The following LIMS1 variants were observed in gnomAD, a reference collection of about 807,000 sequenced individuals.
LIMS1 encodes the protein LIM and senescent cell antigen-like-containing domain protein 1.
In LIMS1, 18 loss-of-function variants were observed where a neutral mutation model predicts 44.1. That is an observed-to-expected ratio of 0.41 (90% CI 0.28 to 0.61). The LOEUF is 0.61. Ranked by LOEUF, LIMS1 falls within the 20% of genes least tolerant of loss-of-function variation. The pLI is 0.32. For missense variants in LIMS1, 201 were observed against 422.0 expected, an observed-to-expected ratio of 0.48 and a Z score of 4.59; for synonymous variants, 93 against 149.1, an observed-to-expected ratio of 0.62 and a Z score of 2.74.
At chr2:108,557,664 G>A (rs925550004) in intron 1 of LIMS1, among the ~76,000 whole-genome samples, 17 of 151,644 alleles carry the variant, frequency 1.1e-4, no homozygotes, top group African/African-American at 2.2e-4. Flanking sequence ...CTACAGGTAC[G>A]TGCCACCACG....
At position 108,541,248 on chromosome 2, in the gene LIMS1, T is replaced by G. The variant is rs1252458739; in HGVS notation, c.32+6654T>G. 2.0e-5 allele frequency among the ~76,000 whole-genome samples: 3 copies of G among 152,260 alleles called. No individual in the cohort carries two copies. In the East Asian group the frequency reaches 5.8e-4, roughly 29 times the overall value. On this transcript the variant is annotated intron_variant, in intron 1 of 9. Transcript: ENST00000544547. ...CCAACTACTTAAACAGATATGTTTA[T>G]TTCTCATTGGTAAATGTAGCTGTTG...
chr2:108,673,864 T>C (rs1243198213), intron 5 of LIMS1: 3 of 152,242 alleles, frequency 2.0e-5, no homozygotes, highest in Admixed American at 6.5e-5. Context: ...GCATAACTTT[T>C]ACAGTTGTAA....
chr2:108,597,597 C>T (rs1279304590), intron 1 of LIMS1, among the ~76,000 whole-genome samples: 1 of 151,968 alleles, frequency 6.6e-6, no homozygotes, highest in Non-Finnish European at 1.5e-5. Flanking sequence ...GACAGAGGCA[C>T]ACACACAGAC....
At chr2:108,632,458 C>G (rs1040735392) in intron 1 of LIMS1, among the ~76,000 whole-genome samples, 2 of 152,164 alleles carry the variant, frequency 1.3e-5, no homozygotes, top group Admixed American at 6.5e-5. Flanking sequence ...GTCCAGGTGT[C>G]TCAAGGTCAG....
At position 108,614,701 on chromosome 2, in the gene LIMS1, G is replaced by A. The variant is rs191331954; in HGVS notation, c.33-44904G>A. ...AAGGGATAATACAGATATCAGAAAC[G>A]TGGCCACACAGCTTGTTATGTGTGT... On this transcript the variant is annotated intron_variant, in intron 1 of 9. Transcript: ENST00000544547. Among the ~76,000 whole-genome samples, 503 of 152,286 alleles carry A rather than the reference G, an allele frequency of 3.3e-3. 7 individuals are homozygous for A. The highest frequency in any genetic ancestry group is 7.3e-3 in the Admixed American group (111 of 15,304).
At chr2:108,617,229 T>A (rs1321524286) in intron 1 of LIMS1, among the ~76,000 whole-genome samples, 3 of 152,222 alleles carry the variant, frequency 2.0e-5, no homozygotes, top group Admixed American at 6.5e-5. Flanking sequence ...GATGTTTAAT[T>A]AGGTTTCTTT....
chr2:108,560,014 C>G (rs909867754), intron 1 of LIMS1, among the ~76,000 whole-genome samples: 7 of 152,088 alleles, frequency 4.6e-5, no homozygotes, highest in African/African-American at 1.7e-4. Context: ...CCCTCATTTC[C>G]TGCCTGAGGA....
At position 108,551,399 on chromosome 2, in the gene LIMS1, T is replaced by C. The variant is rs530834844; in HGVS notation, c.32+16805T>C. 2.5e-3 allele frequency among the ~76,000 whole-genome samples: 372 copies of C among 146,490 alleles called. 2 individuals carry two copies. Among genetic ancestry groups the C allele is most frequent in the Non-Finnish European group, 4.2e-3 (279 of 66,858 alleles). On this transcript the variant is annotated intron_variant, in intron 1 of 9. Coordinates refer to ENST00000544547, the Ensembl canonical transcript of LIMS1. ...TATATAACTGTATATTTTATATTTATATATTTAGCTATAATATAATTATAT... is the reference window on the plus strand; with the variant it reads ...TATATAACTGTATATTTTATATTTACATATTTAGCTATAATATAATTATAT...
At chr2:108,630,074 G>A (rs1223098998) in intron 1 of LIMS1, among the ~76,000 whole-genome samples, 1 of 151,806 alleles carries the variant, frequency 6.6e-6, no homozygotes, top group Non-Finnish European at 1.5e-5. Flanking sequence ...TGCACCTGTA[G>A]TCCTGGCAAC....
At chr2:108,582,269 T>A (rs549607047) in intron 1 of LIMS1, among the ~76,000 whole-genome samples, 1 of 152,326 alleles carries the variant, frequency 6.6e-6, no homozygotes, top group East Asian at 1.9e-4. Context: ...GTGGAGCATT[T>A]TTAGTTTATC....
At chr2:108,660,842 A>G (rs2148971384) in intron 2 of LIMS1, 1 of 159,212 alleles carries the variant, frequency 6.3e-6, no homozygotes, top group Admixed American at 6.0e-5. Flanking sequence ...CAAATAGGTA[A>G]TTTACTTTTA....
At chr2:108,550,161 A>T (rs1375567425) in intron 1 of LIMS1, among the ~76,000 whole-genome samples, 1 of 152,224 alleles carries the variant, frequency 6.6e-6, no homozygotes, top group Non-Finnish European at 1.5e-5. Flanking sequence ...TATAATGTTT[A>T]AACATAAAAT....
chr2:108,637,815 C>T (rs182032808), intron 1 of LIMS1, among the ~76,000 whole-genome samples: 36 of 151,076 alleles, frequency 2.4e-4, no homozygotes, highest in Non-Finnish European at 3.4e-4. Context: ...GTTAAAGTTT[C>T]TAAATGGTCA....
intron 1 of LIMS1, among the ~76,000 whole-genome samples, chr2:108,539,244 C>T (rs11900810): frequency 0.013 from 1,903 of 152,166 alleles, 49 homozygotes; most frequent in African/African-American, 0.044. Context: ...CCACTATGCC[C>T]GGCTAATATT....
intron 8 of LIMS1, among the ~76,000 whole-genome samples, chr2:108,680,316 G>A (rs2378210): frequency 0.012 from 1,749 of 148,118 alleles, 42 homozygotes; most frequent in African/African-American, 0.042. Flanking sequence ...GCAGTGAGCC[G>A]TGATTGCGCC....
rs1353131322 is a variant in LIMS1, at chr2:108,607,244, A to G, written c.33-52361A>G. 4 of 1,551,042 alleles carry G rather than the reference A, an allele frequency of 2.6e-6. No homozygotes were observed. In the East Asian group the frequency reaches 9.8e-5, roughly 38 times the overall value. ...CTGATGAGGGACACATCGAATCAAG[A>G]TACATGACATGGTGAGTGCTGCTGC... is the stretch of plus-strand genomic sequence containing the variant. On this transcript the variant is annotated intron_variant, in intron 1 of 9. Coordinates refer to ENST00000544547, the Ensembl canonical transcript of LIMS1.
chr2:108,554,975 G>C (rs1439597906), intron 1 of LIMS1, among the ~76,000 whole-genome samples: 1 of 152,182 alleles, frequency 6.6e-6, no homozygotes, highest in Non-Finnish European at 1.5e-5. Context: ...ATTAAAGTTT[G>C]AGAAACACAG....
intron 1 of LIMS1, among the ~76,000 whole-genome samples, chr2:108,641,992 A>G (rs1242179751): frequency 6.6e-6 from 1 of 152,176 alleles, no homozygotes; most frequent in Non-Finnish European, 1.5e-5. Context: ...AGGATAGAGG[A>G]TGATAGTAGA....
intron 1 of LIMS1, among the ~76,000 whole-genome samples, chr2:108,589,156 T>C (rs1444583602): frequency 1.3e-5 from 2 of 152,108 alleles, no homozygotes; most frequent in African/African-American, 4.8e-5. Context: ...GGAGTTACTC[T>C]TATTCATTAA....
Sources: allele counts gnomAD v4.1 joint callset (sites outside exome capture counted in the v4.1 genomes callset), GRCh38; gene constraint gnomAD v4.1.1; transcripts MANE v1.5; gene names NCBI Gene and HGNC (gene_info 2026-07-23, HGNC 2026-07-21).